Variants in CSMD1 observed in about 807,000 individuals in gnomAD.
The protein encoded by CSMD1 is CUB and Sushi multiple domains 1.
Under a neutral mutation model 417.5 loss-of-function variants are expected in CSMD1, and 213 were observed. That is an observed-to-expected ratio of 0.51 (90% CI 0.46 to 0.57). CSMD1 has a LOEUF of 0.57. CSMD1 is among the 20% of genes least tolerant of loss of function. The pLI is 0.00. For synonymous variants in CSMD1, 2,862 were observed against 1,736.8 expected, an observed-to-expected ratio of 1.65 and a Z score of -16.11; for missense variants, 6,923 against 4,529.7, an observed-to-expected ratio of 1.53 and a Z score of -15.17.
chr8:3,894,038 G>T (rs1187764397), intron 5 of CSMD1, among the ~76,000 whole-genome samples: 1 of 151,892 alleles, frequency 6.6e-6, no homozygotes, highest in Non-Finnish European at 1.5e-5. Flanking sequence ...AGTCTCCATA[G>T]TGCTGGTCAT....
intron 26 of CSMD1, among the ~76,000 whole-genome samples, chr8:3,254,325 A>C (rs1320299777): frequency 6.6e-6 from 1 of 151,644 alleles, no homozygotes; most frequent in African/African-American, 2.4e-5. Flanking sequence ...CTTCATTTTA[A>C]CTTTGGTGAA....
intron 3 of CSMD1, among the ~76,000 whole-genome samples, chr8:4,070,944 G>T (rs995696228): frequency 8.5e-5 from 13 of 152,194 alleles, no homozygotes; most frequent in African/African-American, 3.1e-4. Flanking sequence ...CCTCCATGGT[G>T]TTTGATGTAA....
chr8:4,787,215 G>T (rs945037529), intron 1 of CSMD1: 1 of 478,558 alleles, frequency 2.1e-6, no homozygotes, highest in Non-Finnish European at 3.9e-6. Context: ...CCCGCCAGGG[G>T]GCGCGCCTGG....
chr8:3,969,993 G>C (rs2627454), intron 5 of CSMD1, among the ~76,000 whole-genome samples: 41,608 of 152,024 alleles, frequency 0.27, 5,941 homozygotes, highest in East Asian at 0.35. Flanking sequence ...GTCAACATTT[G>C]ATTCAGTAAT....
At chr8:3,089,556 T>TG (rs1163883180) in intron 48 of CSMD1, among the ~76,000 whole-genome samples, 1 of 152,214 alleles carries the variant, frequency 6.6e-6, no homozygotes, top group African/African-American at 2.4e-5. Flanking sequence ...TGTGGTCATG[T>TG]GACAATATCA....
intron 25 of CSMD1, among the ~76,000 whole-genome samples, chr8:3,296,792 A>G (rs1268474671): frequency 6.6e-6 from 1 of 152,084 alleles, no homozygotes; most frequent in Non-Finnish European, 1.5e-5. Flanking sequence ...CATCCAGTGA[A>G]CTGAGAAACG....
In CSMD1 at chr8:3,208,399, A is replaced by G. The variant is rs113232507; in HGVS notation, c.4868-2779T>C. On this transcript the variant is annotated intron_variant, in intron 30 of 69. Coordinates refer to ENST00000635120, the MANE Select transcript of CSMD1 (RefSeq NM_033225.6). The stretch of plus-strand genomic sequence containing the variant: ...CTCCTGCCTCAACCTCCCGAGCAGC[A>G]GGGACTACAGGTGCACACCACCACA... 3.2e-3 allele frequency among the ~76,000 whole-genome samples: 489 copies of G among 152,146 alleles called. 5 individuals carry two copies. The highest frequency in any genetic ancestry group is 0.011 in the African/African-American group (457 of 41,542).
At chr8:4,663,417 C>G (rs1007919495) in intron 1 of CSMD1, among the ~76,000 whole-genome samples, 2 of 152,144 alleles carry the variant, frequency 1.3e-5, no homozygotes, top group Non-Finnish European at 2.9e-5. Flanking sequence ...GGGTCAATGT[C>G]CCTGCCGAAA....
chr8:3,821,179 A>G (rs950199234), intron 5 of CSMD1, among the ~76,000 whole-genome samples: 1 of 152,112 alleles, frequency 6.6e-6, no homozygotes, highest in African/African-American at 2.4e-5. Flanking sequence ...CGGCCTCCCA[A>G]ACTGTGGGGA....
intron 3 of CSMD1, among the ~76,000 whole-genome samples, chr8:4,148,212 G>C (rs1041453615): frequency 6.6e-6 from 1 of 151,802 alleles, no homozygotes; most frequent in African/African-American, 2.4e-5. Context: ...GTTATAAGTT[G>C]CTATAGACTG....
Position 4,224,624 on chromosome 8 carries a change from A to G in CSMD1, c.416-192525T>C, listed in dbSNP as rs544648731. On this transcript the variant is annotated intron_variant, in intron 3 of 69. Transcript: ENST00000635120. ...TTGCAAAGGTTATGACTTCAGACTG[A>G]ATTTTCATCCATAGTGAAGAGGGAG... Among the ~76,000 whole-genome samples, 7 of 152,294 alleles carry G rather than the reference A, an allele frequency of 4.6e-5. No individual in the cohort carries two copies. The South Asian group carries it at 1.5e-3, about 32-fold the overall frequency.
At chr8:3,776,586 G>A (rs1228733629) in intron 5 of CSMD1, among the ~76,000 whole-genome samples, 2 of 151,992 alleles carry the variant, frequency 1.3e-5, no homozygotes, top group African/African-American at 2.4e-5. Context: ...TTCTTCCTAC[G>A]GGACTTTTGT....
chr8:4,386,668 C>T (rs1803475291), intron 3 of CSMD1, among the ~76,000 whole-genome samples: 1 of 152,176 alleles, frequency 6.6e-6, no homozygotes, highest in African/African-American at 2.4e-5. Context: ...GGAAGATTAC[C>T]TGATGAGCCC....
intron 5 of CSMD1, among the ~76,000 whole-genome samples, chr8:3,954,531 T>A (rs1196612113): frequency 6.6e-6 from 1 of 151,958 alleles, no homozygotes; most frequent in South Asian, 2.1e-4. Flanking sequence ...CACTCCCAGA[T>A]AATTTTTTTG....
chr8:3,074,873 G>A (rs1050072210), intron 49 of CSMD1, among the ~76,000 whole-genome samples: 3 of 152,112 alleles, frequency 2.0e-5, no homozygotes, highest in African/African-American at 7.2e-5. Flanking sequence ...TTACTGATGT[G>A]GTTTGTATCT....
chr8:3,836,476 G>C (rs1357914583), intron 5 of CSMD1, among the ~76,000 whole-genome samples: 3 of 152,140 alleles, frequency 2.0e-5, no homozygotes, highest in Non-Finnish European at 4.4e-5. Flanking sequence ...AGGAGATGTA[G>C]CAGAGATTGT....
At chr8:2,960,788 G>C (rs181458439) in intron 62 of CSMD1, among the ~76,000 whole-genome samples, 6 of 151,964 alleles carry the variant, frequency 3.9e-5, no homozygotes, top group Admixed American at 2.0e-4. Context: ...TAGCTAATCA[G>C]TGACAAGTTA....
chr8:3,606,747 G>A (rs980201154), intron 8 of CSMD1, among the ~76,000 whole-genome samples: 2 of 150,160 alleles, frequency 1.3e-5, no homozygotes, highest in African/African-American at 4.9e-5. Context: ...AGTCTCACTG[G>A]GTCCCCAGGC....
chr8:3,162,090 T>G, intron 38 of CSMD1, 69 bp downstream of exon 38: 1 of 992,918 alleles, frequency 1.0e-6, no homozygotes, highest in Non-Finnish European at 1.6e-6. Context: ...AGTGAGGGCT[T>G]TGGCTTTAAG....
Sources: gnomAD v4.1 joint callset for allele counts (sites outside exome capture counted in the v4.1 genomes callset) on GRCh38, gnomAD v4.1.1 for gene constraint, MANE v1.5 for transcripts, NCBI Gene and HGNC (gene_info 2026-07-23, HGNC 2026-07-21) for gene names.